The following FOCAD variants were observed in gnomAD, a reference collection of about 807,000 sequenced individuals.
The protein encoded by FOCAD is KIAA1797.
Under a neutral mutation model 225.6 loss-of-function variants are expected in FOCAD, and 198 were observed. The ratio of observed to expected loss-of-function variants is 0.88; its 90% confidence interval spans 0.78 to 0.99. The LOEUF is 0.99. FOCAD is among the 50% of genes least tolerant of loss of function. FOCAD has a pLI of 0.00. For missense variants in FOCAD, 2,713 were observed against 2,123.6 expected, an observed-to-expected ratio of 1.28 and a Z score of -5.46; for synonymous variants, 897 against 755.0, an observed-to-expected ratio of 1.19 and a Z score of -3.08.
intron 15 of FOCAD, among the ~76,000 whole-genome samples, chr9:20,839,874 A>G (rs1024539889): frequency 2.6e-5 from 4 of 152,094 alleles, no homozygotes; most frequent in Admixed American, 1.3e-4. Context: ...ATTTTTCTGC[A>G]TATGATTATC....
At chr9:20,713,636 T>G (rs981910406) in intron 1 of FOCAD, among the ~76,000 whole-genome samples, 5 of 152,250 alleles carry the variant, frequency 3.3e-5, no homozygotes, top group Non-Finnish European at 5.9e-5. Context: ...TTTTGCCTAT[T>G]TTGTTCACTG....
intron 18 of FOCAD, 150 bp downstream of exon 18, chr9:20,867,162 G>T: frequency 1.9e-6 from 1 of 526,072 alleles, no homozygotes; most frequent in Non-Finnish European, 3.3e-6. Flanking sequence ...CCCATTATTT[G>T]TTTATATGTA....
chr9:20,993,233 A>G lies in FOCAD; in HGVS notation c.5257-20A>G, dbSNP rs778941630. The G allele has an allele frequency of 9.4e-6, 15 of 1,602,228 alleles. No individual in the cohort carries two copies. The highest frequency in any genetic ancestry group is 5.4e-5 in the African/African-American group (4 of 74,628). ...TGGTAGGATTCTCTTCTTTGACACTATTTTTCATTTTTACCCTAGTTCATT... is the reference window on the plus strand; with the variant it reads ...TGGTAGGATTCTCTTCTTTGACACTGTTTTTCATTTTTACCCTAGTTCATT... On this transcript the variant is annotated intron_variant, in intron 42 of 43. Coordinates refer to ENST00000338382, the MANE Select transcript of FOCAD (RefSeq NM_001375567.1).
chr9:20,704,949 A>C (rs1457447146), intron 1 of FOCAD, among the ~76,000 whole-genome samples: 1 of 152,220 alleles, frequency 6.6e-6, no homozygotes, highest in Admixed American at 6.5e-5. Flanking sequence ...CAATTGGTAC[A>C]TTCCGGGCTT....
chr9:20,929,649 G>A, intron 27 of FOCAD, 53 bp downstream of exon 27: 1 of 1,513,700 alleles, frequency 6.6e-7, no homozygotes, highest in Non-Finnish European at 9.1e-7. Context: ...TTTTGCAAAG[G>A]ATTTTGCACC....
At chr9:20,985,205 A>C (rs555694641) in intron 39 of FOCAD, among the ~76,000 whole-genome samples, 1 of 152,356 alleles carries the variant, frequency 6.6e-6, no homozygotes, top group East Asian at 1.9e-4. Context: ...TCTGTTTTAC[A>C]CTTTGGGTCT....
At chr9:20,971,534 G>A (rs933213691) in intron 35 of FOCAD, among the ~76,000 whole-genome samples, 26 of 151,842 alleles carry the variant, frequency 1.7e-4, no homozygotes, top group African/African-American at 6.3e-4. Context: ...TCACCTCCCG[G>A]GTTCAAGCAA....
rs991874046 is a variant in FOCAD, at chr9:20,922,314, C to T, written c.2853-1346C>T. Among the ~76,000 whole-genome samples the T allele has an allele frequency of 2.0e-5, 3 of 151,548 alleles. No individual in the cohort carries two copies. In the East Asian group the frequency reaches 5.8e-4, roughly 29 times the overall value. ...ACGTTGATGTCTTGCTAACTTTTGA[C>T]AGGCCTTATAGAGGAATACATTGAG... On this transcript the variant is annotated intron_variant, in intron 24 of 43. Coordinates refer to ENST00000338382, the MANE Select transcript of FOCAD (RefSeq NM_001375567.1).
chr9:20,867,527 G>A (rs1377145969), intron 18 of FOCAD, among the ~76,000 whole-genome samples: 1 of 152,026 alleles, frequency 6.6e-6, no homozygotes, highest in Non-Finnish European at 1.5e-5. Context: ...TAGGAAAAGA[G>A]GAAGTCAAAT....
At position 20,717,815 on chromosome 9, in the gene FOCAD, GCAGTC is replaced by G; in HGVS notation, c.81_85del (p.Val28LysfsTer29). On this transcript the variant is annotated frameshift_variant, in exon 3 of 44. Transcript: ENST00000338382. LOFTEE classifies it high-confidence loss of function. ...TAAGGCTGTGGGTCATCTTATTGCT[GCAGTC>G]CTAAAGGAAAATGGTTTTTCAGAAA... 1 of 1,612,274 alleles carries G rather than the reference GCAGTC, an allele frequency of 6.2e-7. No individual in the cohort carries two copies. Among genetic ancestry groups the G allele is most frequent in the South Asian group, 1.1e-5 (1 of 91,026 alleles).
intron 15 of FOCAD, among the ~76,000 whole-genome samples, chr9:20,840,224 C>T (rs143055583): frequency 6.6e-6 from 1 of 151,970 alleles, no homozygotes; most frequent in Non-Finnish European, 1.5e-5. Context: ...ATAGGGATTG[C>T]AATAAATTTA....
At chr9:20,801,174 A>C (rs1376529386) in intron 11 of FOCAD, among the ~76,000 whole-genome samples, 3 of 152,150 alleles carry the variant, frequency 2.0e-5, no homozygotes, top group African/African-American at 7.2e-5. Context: ...ATATTGGTGA[A>C]CAGTTAATGT....
chr9:20,923,170 G>T (rs1475730671), intron 24 of FOCAD, among the ~76,000 whole-genome samples: 1 of 152,204 alleles, frequency 6.6e-6, no homozygotes, highest in Non-Finnish European at 1.5e-5. Context: ...AAAAGCTGCT[G>T]TGTGTCAAGT....
chr9:20,686,708 A>G (rs908820128), intron 1 of FOCAD, among the ~76,000 whole-genome samples: 5 of 152,220 alleles, frequency 3.3e-5, no homozygotes, highest in Non-Finnish European at 7.3e-5. Flanking sequence ...TTAGGAGATG[A>G]GAAATCTATA....
At chr9:20,906,880 A>G (rs187443259) in intron 21 of FOCAD, among the ~76,000 whole-genome samples, 1 of 152,068 alleles carries the variant, frequency 6.6e-6, no homozygotes, top group East Asian at 1.9e-4. Context: ...TTTGTATTAC[A>G]TGTACATTTT....
chr9:20,716,666 T>G (rs923742802), intron 2 of FOCAD, among the ~76,000 whole-genome samples: 1 of 152,212 alleles, frequency 6.6e-6, no homozygotes, highest in African/African-American at 2.4e-5. Context: ...TTTCTTATTG[T>G]TCTTCTGTAA....
At position 20,777,884 on chromosome 9, in the gene FOCAD, C is replaced by T. The variant is rs945081927; in HGVS notation, c.907-797C>T. 3.3e-5 allele frequency among the ~76,000 whole-genome samples: 5 copies of T among 151,860 alleles called. No homozygotes were observed. The South Asian group carries it at 6.2e-4, about 19-fold the overall frequency. The stretch of plus-strand genomic sequence containing the variant: ...TTGGGAGGCCGAGGCGGGCGGATCA[C>T]GAGGTCAGGAGATCGAGACCACGGT... On this transcript the variant is annotated intron_variant, in intron 8 of 43. Transcript: ENST00000338382.
chr9:20,706,774 C>T (rs1191821108), intron 1 of FOCAD, among the ~76,000 whole-genome samples: 2 of 152,212 alleles, frequency 1.3e-5, no homozygotes, highest in African/African-American at 4.8e-5. Context: ...TGAAATGGTT[C>T]AAACAGTGTA....
At chr9:20,970,278 T>G (rs1049893818) in intron 35 of FOCAD, among the ~76,000 whole-genome samples, 2 of 152,158 alleles carry the variant, frequency 1.3e-5, no homozygotes, top group Admixed American at 6.5e-5. Context: ...CATTACTTTT[T>G]CAAATATTCA....
Sources: gnomAD v4.1 joint callset for allele counts (sites outside exome capture counted in the v4.1 genomes callset) on GRCh38, gnomAD v4.1.1 for gene constraint, MANE v1.5 for transcripts, NCBI Gene and HGNC (gene_info 2026-07-23, HGNC 2026-07-21) for gene names.